Variants in TMOD1 observed in about 807,000 individuals in gnomAD.
TMOD1 encodes tropomodulin 1, also known as tropomodulin-1.
Under a neutral mutation model 40.6 loss-of-function variants are expected in TMOD1, and 17 were observed. That is an observed-to-expected ratio of 0.42 (90% CI 0.29 to 0.63). The LOEUF (loss-of-function observed/expected upper bound fraction) is 0.63. Ranked by LOEUF, TMOD1 falls within the 20% of genes least tolerant of loss-of-function variation. The pLI, the probability that TMOD1 is intolerant of heterozygous loss-of-function variation, is 0.22. For missense variants in TMOD1, 391 were observed against 447.6 expected (o/e 0.87, Z 1.14); for synonymous variants, 181 against 175.0 (o/e 1.03, Z -0.27).
In TMOD1 at chr9:97,579,342, G is replaced by A. The variant is rs893362218; in HGVS notation, c.870+10305G>A. 3.3e-5 allele frequency among the ~76,000 whole-genome samples: 5 copies of A among 152,078 alleles called. 1 individual carries two copies. The highest frequency in any genetic ancestry group is 9.7e-5 in the African/African-American group (4 of 41,402). ...AGAAACTGGGTACTATGTCCTACCC[G>A]AGAGCTCATGGTCTACAGCAGCACT... is the stretch of plus-strand genomic sequence containing the variant. On this transcript the variant is annotated intron_variant, in intron 8 of 9. Transcript: ENST00000259365.
chr9:97,537,320 C>T (rs1830200589), intron 2 of TMOD1, among the ~76,000 whole-genome samples: 1 of 152,170 alleles, frequency 6.6e-6, no homozygotes. Context: ...TCGTGCGTGC[C>T]TGTGTGTGCG....
intron 8 of TMOD1, among the ~76,000 whole-genome samples, chr9:97,580,492 G>A (rs1825723933): frequency 1.3e-5 from 2 of 152,142 alleles, no homozygotes; most frequent in African/African-American, 4.8e-5. Flanking sequence ...TGTAGTCCCA[G>A]CTACTTGGGA....
rs1450648092 is a variant in TMOD1, at chr9:97,601,201, G to A, written c.*1503G>A. On this transcript the variant is annotated 3_prime_UTR_variant, in exon 10 of 10. Coordinates refer to ENST00000259365, the MANE Select transcript of TMOD1 (RefSeq NM_003275.4). Reference sequence around the variant, plus strand: ...TTCTCCTTAAAACACAATTGCAGCTGCATTCTGCATCGCTGAAAACTGCAA... The same window carrying A: ...TTCTCCTTAAAACACAATTGCAGCTACATTCTGCATCGCTGAAAACTGCAA... The A allele has an allele frequency of 1.5e-6, 2 of 1,292,600 alleles. No individual in the cohort carries two copies. Among genetic ancestry groups the A allele is most frequent in the East Asian group, 5.6e-5 (1 of 17,758 alleles). The allele number at this position is 1,292,600 out of a possible 1,614,324, so 80.1% of individuals were successfully genotyped here. A position where few individuals can be genotyped will look rare whatever the true frequency, so the allele number is the denominator to read the frequency against.
At chr9:97,546,415 G>T in intron 3 of TMOD1, 74 bp downstream of exon 3, 3 of 1,517,002 alleles carry the variant, frequency 2.0e-6, no homozygotes, top group Non-Finnish European at 1.8e-6. Context: ...GCCAGGCCCT[G>T]CCAGGCCCTG....
intron 4 of TMOD1, among the ~76,000 whole-genome samples, chr9:97,560,500 T>C (rs1830621388): frequency 6.6e-6 from 1 of 151,922 alleles, no homozygotes; most frequent in Non-Finnish European, 1.5e-5. Context: ...AAATCTGGTG[T>C]TGGCCGGGCG....
Position 97,601,540 on chromosome 9 carries a change from C to T in TMOD1, c.*1842C>T. On this transcript the variant is annotated 3_prime_UTR_variant, in exon 10 of 10. Transcript: ENST00000259365. ...AACCAACAGAAAATGAAGAAGGCCACATCTTTAAGGCCACCTCTGCCTCTA... is the reference window on the plus strand; with the variant it reads ...AACCAACAGAAAATGAAGAAGGCCATATCTTTAAGGCCACCTCTGCCTCTA... 1 of 990,408 alleles carries T rather than the reference C, an allele frequency of 1.0e-6. No homozygotes were observed. The highest frequency in any genetic ancestry group is 1.2e-6 in the Non-Finnish European group (1 of 833,028). 61.4% of individuals were successfully genotyped at this position (990,408 alleles called of 1,614,324 possible). A position where few individuals can be genotyped will look rare whatever the true frequency, so the allele number is the denominator to read the frequency against.
At chr9:97,521,810 C>T (rs889922146) in intron 1 of TMOD1, among the ~76,000 whole-genome samples, 3 of 152,256 alleles carry the variant, frequency 2.0e-5, no homozygotes, top group African/African-American at 7.2e-5. Flanking sequence ...GCAAATAGGC[C>T]GACACATGCA....
At chr9:97,594,797 C>T (rs917124997) in intron 9 of TMOD1, among the ~76,000 whole-genome samples, 10 of 152,204 alleles carry the variant, frequency 6.6e-5, no homozygotes, top group Non-Finnish European at 1.2e-4. Flanking sequence ...TTTCCCACAG[C>T]AATACCTCAG....
At chr9:97,512,267 C>T (rs1048096445) in intron 1 of TMOD1, among the ~76,000 whole-genome samples, 1 of 152,168 alleles carries the variant, frequency 6.6e-6, no homozygotes, top group Non-Finnish European at 1.5e-5. Context: ...GCTGACAGTA[C>T]CAAGTGTTGA....
chr9:97,582,886 T>G (rs1825787485), intron 8 of TMOD1, among the ~76,000 whole-genome samples: 1 of 150,296 alleles, frequency 6.7e-6, no homozygotes, highest in African/African-American at 2.5e-5. Flanking sequence ...CTTATCAGCT[T>G]AAGGAGATTT....
At chr9:97,522,449 C>G (rs1000511165) in intron 1 of TMOD1, among the ~76,000 whole-genome samples, 3 of 152,194 alleles carry the variant, frequency 2.0e-5, no homozygotes, top group Admixed American at 2.0e-4. Context: ...CTACTTATAT[C>G]TGCAATGACC....
At chr9:97,522,608 C>CT (rs1482695773) in intron 1 of TMOD1, among the ~76,000 whole-genome samples, 1 of 152,164 alleles carries the variant, frequency 6.6e-6, no homozygotes, top group East Asian at 1.9e-4. Context: ...GTCACCCAGG[C>CT]TGGAATGCAG....
intron 2 of TMOD1, among the ~76,000 whole-genome samples, chr9:97,545,423 A>C (rs1394340962): frequency 6.6e-6 from 1 of 152,248 alleles, no homozygotes; most frequent in Non-Finnish European, 1.5e-5. Context: ...CAGTAAGCCC[A>C]CACCTAGAAG....
In TMOD1 at chr9:97,599,613, C is replaced by T. The variant is rs948760173; in HGVS notation, c.1016-21C>T. ...GTCTACAGGGAAAAGTGCCTTATAT[C>T]TTATCTCCATTCCTTTCCAGTGAGG... is the stretch of plus-strand genomic sequence containing the variant. On this transcript the variant is annotated intron_variant, in intron 9 of 9. Transcript: ENST00000259365. The T allele has an allele frequency of 2.5e-6, 4 of 1,613,962 alleles. No individual in the cohort carries two copies. In the African/African-American group the frequency reaches 5.3e-5, roughly 22 times the overall value.
chr9:97,565,956 G>GT lies in TMOD1; in HGVS notation c.726+2dup, dbSNP rs749689323. ...ACGGAGTAATGACCCCGTGGCGTATGTATGTACCTTTCTGTTCTGTTGCAT... is the reference window on the plus strand; with the variant it reads ...ACGGAGTAATGACCCCGTGGCGTATGTTATGTACCTTTCTGTTCTGTTGCAT... On this transcript the variant is annotated splice_donor_variant, in intron 7 of 9. Transcript: ENST00000259365. LOFTEE classifies it high-confidence loss of function. 1 of 1,613,146 alleles carries GT rather than the reference G, an allele frequency of 6.2e-7. No homozygotes were observed. The highest frequency in any genetic ancestry group is 1.7e-5 in the Admixed American group (1 of 60,024).
chr9:97,545,238 G>A (rs1358254594), intron 2 of TMOD1, among the ~76,000 whole-genome samples: 1 of 152,130 alleles, frequency 6.6e-6, no homozygotes. Context: ...AAATTCCTTG[G>A]GCAAATCTTT....
At chr9:97,547,369 C>G (rs1830381418) in intron 3 of TMOD1, among the ~76,000 whole-genome samples, 1 of 152,142 alleles carries the variant, frequency 6.6e-6, no homozygotes, top group Non-Finnish European at 1.5e-5. Flanking sequence ...CTCCTCCTGC[C>G]CGGTAAGATA....
rs7871185 is a variant in TMOD1, at chr9:97,557,612, C to T, written c.397+4212C>T. On this transcript the variant is annotated intron_variant, in intron 4 of 9. Transcript: ENST00000259365. The surrounding 1 kb of genome is among the most constrained non-coding windows in gnomAD (Gnocchi z 4.4). ...ATCTTATCCAGGAGCAGCTCAACTGCATCCAAGTCCTGGGCTGGAGCCAGT... is the reference window on the plus strand; with the variant it reads ...ATCTTATCCAGGAGCAGCTCAACTGTATCCAAGTCCTGGGCTGGAGCCAGT... 0.3 allele frequency among the ~76,000 whole-genome samples: 45,136 copies of T among 152,060 alleles called. 7,200 individuals are homozygous for T. Among genetic ancestry groups the T allele is most frequent in the African/African-American group, 0.41 (16,901 of 41,446 alleles).
At chr9:97,546,996 C>A (rs549425383) in intron 3 of TMOD1, among the ~76,000 whole-genome samples, 5 of 150,620 alleles carry the variant, frequency 3.3e-5, no homozygotes, top group Admixed American at 3.3e-4. Context: ...CCTATGCAAA[C>A]CAGGGACTAG....
Sources: allele counts gnomAD v4.1 joint callset (sites outside exome capture counted in the v4.1 genomes callset), GRCh38; gene constraint gnomAD v4.1.1; non-coding constraint Gnocchi (gnomAD v3.1); transcripts MANE v1.5; gene names NCBI Gene and HGNC (gene_info 2026-07-23, HGNC 2026-07-21).